Variants in UNC80 observed in about 807,000 individuals in gnomAD.
The protein encoded by UNC80 is protein unc-80 homolog.
Under a neutral mutation model 384.6 loss-of-function variants are expected in UNC80, and 164 were observed. That is an observed-to-expected ratio of 0.43 (90% confidence interval 0.38 to 0.49). The LOEUF is 0.49. Ranked by LOEUF, UNC80 falls within the 20% of genes least tolerant of loss-of-function variation. UNC80 has a pLI of 0.00. For missense variants in UNC80, 3,330 were observed against 4,143.0 expected, an observed-to-expected ratio of 0.80 and a Z score of 5.39; for synonymous variants, 1,486 against 1,527.8, an observed-to-expected ratio of 0.97 and a Z score of 0.64.
chr2:209,777,527 T>A lies in UNC80; in HGVS notation c.568T>A (p.Phe190Ile). ...CATGGCTACTGTGGAGCTCTTCGTG[T>A]TTCTGTTTGCTCCCCTGGTACACAG... is the stretch of plus-strand genomic sequence containing the variant. ...NSMATVELFV[F>I]LFAPLVHRIK... Residue 190 changes from phenylalanine (F) to isoleucine (I), a missense_variant, in exon 4 of 65, where the codon TTT (phenylalanine) becomes ATT (isoleucine). Phe to Ile is a conservative substitution (Grantham distance 21). This residue lies in a region of UNC80 where 937 missense variants were observed against 1,026.8 expected (regional missense o/e 0.91). Coordinates refer to ENST00000673920, the MANE Select transcript of UNC80 (RefSeq NM_001371986.1). 6.2e-7 allele frequency: 1 copy of A among 1,613,104 alleles called. No homozygotes were observed. The highest frequency in any genetic ancestry group is 8.5e-7 in the Non-Finnish European group (1 of 1,179,456).
In UNC80 at chr2:209,982,292, G is replaced by A. The variant is rs1433716000; in HGVS notation, c.9232G>A (p.Glu3078Lys). 1 of 1,551,466 alleles carries A rather than the reference G, an allele frequency of 6.4e-7. No homozygotes were observed. Among genetic ancestry groups the A allele is most frequent in the African/African-American group, 1.4e-5 (1 of 73,144 alleles). ...CTCCAGCATGTCTGTACCTCAGGCTGAGGTGGGCATGCTACCCAGCCAGAG... is the reference window on the plus strand; with the variant it reads ...CTCCAGCATGTCTGTACCTCAGGCTAAGGTGGGCATGCTACCCAGCCAGAG... ...HVSSMSVPQAEVGMLPSQSEP... is the reference protein window; with the variant it reads ...HVSSMSVPQAKVGMLPSQSEP... The change falls in exon 60 of 65, where the codon GAG becomes AAG. Residue 3078 changes from glutamate to lysine, a missense_variant. Physicochemically the swap from Glu to Lys is moderately conservative, Grantham distance 56. Around this residue, in one of 8 missense-constraint regions of UNC80, gnomAD observed 216 missense variants for 245.3 expected, o/e 0.88. Transcript: ENST00000673920.
At chr2:209,797,417 T>C (rs1415057600) in intron 7 of UNC80, among the ~76,000 whole-genome samples, 1 of 152,154 alleles carries the variant, frequency 6.6e-6, no homozygotes, top group Admixed American at 6.5e-5. Flanking sequence ...AGTGAGAACA[T>C]GTGGTGTTTG....
rs2084390591 is a variant in UNC80 at position 209,872,567 on chromosome 2, G to A, written c.3628-191G>A. ...AATCCTTCAAGATCCACATTTTTGG[G>A]GGGGATTTTGCTTTCCAGATTTCTC... On this transcript the variant is annotated intron_variant, in intron 22 of 64. Coordinates refer to ENST00000673920, the MANE Select transcript of UNC80 (RefSeq NM_001371986.1). This position sits in a 1 kb window ranked among gnomAD's most constrained non-coding sequence, Gnocchi z 4.1. Among the ~76,000 whole-genome samples the A allele has an allele frequency of 6.6e-6, 1 of 151,996 alleles. No homozygotes were observed. Among genetic ancestry groups the A allele is most frequent in the African/African-American group, 2.4e-5 (1 of 41,376 alleles).
At position 209,928,658 on chromosome 2, in the gene UNC80, C is replaced by T. The variant is rs909961799; in HGVS notation, c.5807-1213C>T. Among the ~76,000 whole-genome samples, 10 of 152,262 alleles carry T rather than the reference C, an allele frequency of 6.6e-5. No homozygotes were observed. The South Asian group carries it at 1.9e-3, about 28-fold the overall frequency. ...TAATTAGCATATCCTTCACCTCAAA[C>T]AGTATTTCTTTGTGTTAGGAACACT... On this transcript the variant is annotated intron_variant, in intron 36 of 64. Coordinates refer to ENST00000673920, the MANE Select transcript of UNC80 (RefSeq NM_001371986.1).
At chr2:209,978,495 C>G (rs1346668700) in intron 58 of UNC80, 34 bp from the exon 59 acceptor site, 7 of 1,477,984 alleles carry the variant, frequency 4.7e-6, no homozygotes, top group Non-Finnish European at 6.4e-6. Context: ...AAGATTCTCA[C>G]CATGCATTTC....
intron 22 of UNC80, among the ~76,000 whole-genome samples, chr2:209,868,761 T>C (rs2084046374): frequency 6.6e-6 from 1 of 152,148 alleles, no homozygotes. Context: ...AGAGAACACC[T>C]CATACAAGAT....
chr2:209,909,219 C>T (rs1232007273), intron 29 of UNC80, among the ~76,000 whole-genome samples: 8 of 152,114 alleles, frequency 5.3e-5, no homozygotes, highest in Admixed American at 5.2e-4. Flanking sequence ...TTGAATTATT[C>T]AATGAATAGG....
intron 11 of UNC80, 70 bp from the exon 12 acceptor site, chr2:209,818,923 T>C: frequency 6.8e-7 from 1 of 1,461,912 alleles, no homozygotes; most frequent in Non-Finnish European, 9.2e-7. Context: ...ATTGAAGTAA[T>C]AGTATAACTG....
At position 209,813,651 on chromosome 2, in the gene UNC80, G is replaced by A; in HGVS notation, c.1010G>A (p.Cys337Tyr). The change falls in exon 8 of 65, where the codon TGC becomes TAC. Residue 337 changes from cysteine (C) to tyrosine (Y), a missense_variant. Cys to Tyr is a radical substitution (Grantham distance 194). Transcript: ENST00000673920. ...ATYFDVAVLR[C>Y]LLQPHWSEEG... ...TACTTTGACGTTGCTGTTCTGCGCTGCCTACTTCAGCCCCATTGGTCTGAG... is the reference window on the plus strand; with the variant it reads ...TACTTTGACGTTGCTGTTCTGCGCTACCTACTTCAGCCCCATTGGTCTGAG... 6.4e-7 allele frequency: 1 copy of A among 1,551,776 alleles called. No individual in the cohort carries two copies. The highest frequency in any genetic ancestry group is 8.7e-7 in the Non-Finnish European group (1 of 1,147,032).
chr2:209,905,162 C>T (rs2088033160), intron 29 of UNC80, among the ~76,000 whole-genome samples, 197 bp downstream of exon 29: 2 of 152,016 alleles, frequency 1.3e-5, no homozygotes, highest in Non-Finnish European at 1.5e-5. Flanking sequence ...TGGAATCTTT[C>T]CTCAGGTTTT....
At chr2:209,919,425 A>G (rs1188875782) in intron 33 of UNC80, among the ~76,000 whole-genome samples, 3 of 152,148 alleles carry the variant, frequency 2.0e-5, no homozygotes, top group Admixed American at 6.5e-5. Flanking sequence ...AAGGTTTTTG[A>G]CGCATCTCAC....
At chr2:209,956,327 A>G (rs986218710) in intron 48 of UNC80, among the ~76,000 whole-genome samples, 2 of 70 alleles carry the variant, frequency 0.029, no homozygotes, top group African/African-American at 0.12. Context: ...AGGGTTTCTC[A>G]AGGTGGAAGT....
Position 209,998,122 on chromosome 2 carries a change from A to G in UNC80, c.*2527A>G, listed in dbSNP as rs1236001389. ...ATTTATCTTATTCAGAGGAAAAACAAAAAAGGTACCCACTTCCCATGTAGA... is the reference window on the plus strand; with the variant it reads ...ATTTATCTTATTCAGAGGAAAAACAGAAAAGGTACCCACTTCCCATGTAGA... On this transcript the variant is annotated 3_prime_UTR_variant, in exon 65 of 65. Transcript: ENST00000673920. 6.6e-6 allele frequency: 1 copy of G among 152,184 alleles called. No individual in the cohort carries two copies. The highest frequency in any genetic ancestry group is 1.9e-4 in the East Asian group (1 of 5,204). 9.4% of individuals were successfully genotyped at this position (152,184 alleles called of 1,614,324 possible).
At chr2:209,905,028 C>G (rs1010334318) in intron 29 of UNC80, 63 bp downstream of exon 29, 2 of 1,514,764 alleles carry the variant, frequency 1.3e-6, no homozygotes, top group African/African-American at 2.8e-5. Flanking sequence ...ACAATTTCTT[C>G]TCTGGAAATA....
At chr2:209,923,740 AT>A (rs2090221499) in intron 35 of UNC80, among the ~76,000 whole-genome samples, 1 of 152,078 alleles carries the variant, frequency 6.6e-6, no homozygotes, top group African/African-American at 2.4e-5. Flanking sequence ...ACTCCACATC[AT>A]TTTTTATTGC....
At chr2:209,874,502 C>T (rs2084598090) in intron 23 of UNC80, among the ~76,000 whole-genome samples, 1 of 152,214 alleles carries the variant, frequency 6.6e-6, no homozygotes, top group South Asian at 2.1e-4. Context: ...AGTCTTCTGA[C>T]TTTCTTGCAG....
Position 209,959,622 on chromosome 2 carries a change from G to T in UNC80, c.7720G>T (p.Gly2574Trp). The change falls in exon 51 of 65, where the codon GGG becomes TGG. Residue 2574 changes from glycine to tryptophan, a missense_variant. By Grantham distance (184) the Gly-to-Trp change is radical (BLOSUM62 -2). Coordinates refer to ENST00000673920, the MANE Select transcript of UNC80 (RefSeq NM_001371986.1). Reference sequence around the variant, plus strand: ...TTGCACTGAGTTCTATAAGCACTGTGGGCCACGGCTGAAGATCTTGCAAAA... The same window carrying T: ...TTGCACTGAGTTCTATAAGCACTGTTGGCCACGGCTGAAGATCTTGCAAAA... The part of the protein sequence containing the change: ...NICTEFYKHC[G>W]PRLKILQNLA... The T allele has an allele frequency of 6.4e-7, 1 of 1,551,700 alleles. No homozygotes were observed. Among genetic ancestry groups the T allele is most frequent in the Non-Finnish European group, 8.7e-7 (1 of 1,146,980 alleles).
chr2:209,843,384 G>A (rs958169903), intron 21 of UNC80, among the ~76,000 whole-genome samples: 1 of 151,822 alleles, frequency 6.6e-6, no homozygotes, highest in Non-Finnish European at 1.5e-5. Flanking sequence ...GAATATCATG[G>A]TATACTTTAA....
chr2:209,968,110 A>G (rs1425598306), intron 52 of UNC80: 1 of 153,674 alleles, frequency 6.5e-6, no homozygotes, highest in Non-Finnish European at 1.4e-5. Flanking sequence ...GCAGGATTGA[A>G]AACAAACACC....
Sources: gnomAD v4.1 joint callset for allele counts (sites outside exome capture counted in the v4.1 genomes callset) on GRCh38, gnomAD v4.1.1 for gene constraint, gnomAD v4.1.1 regional missense constraint, Gnocchi (gnomAD v3.1) non-coding constraint, MANE v1.5 for transcripts, NCBI Gene and HGNC (gene_info 2026-07-23, HGNC 2026-07-21) for gene names.